Variants in REEP1 observed in about 807,000 individuals in gnomAD.
REEP1 encodes the protein receptor accessory protein 1.
In REEP1, 22 loss-of-function variants were observed where a neutral mutation model predicts 40.3. The observed-to-expected ratio is 0.55, with a 90% CI of 0.39 to 0.78. The LOEUF (loss-of-function observed/expected upper bound fraction) is 0.78, where lower values mean the gene tolerates loss of function less well. Among genes scored for constraint, REEP1 ranks in the 30% least tolerant of loss-of-function variants. REEP1 has a pLI of 0.00. For missense variants in REEP1, 280 were observed against 361.1 expected, an observed-to-expected ratio of 0.78 and a Z score of 1.82; for synonymous variants, 116 against 139.2, an observed-to-expected ratio of 0.83 and a Z score of 1.17.
intron 5 of REEP1, among the ~76,000 whole-genome samples, chr2:86,248,315 G>T (rs569554089): frequency 8.5e-5 from 13 of 152,294 alleles, no homozygotes; most frequent in African/African-American, 3.1e-4. Context: ...TAAGTTGAGG[G>T]TGTTTTGTGG....
intron 1 of REEP1, among the ~76,000 whole-genome samples, chr2:86,303,959 G>A (rs1679370707): frequency 6.6e-6 from 1 of 152,084 alleles, no homozygotes; most frequent in African/African-American, 2.4e-5. Flanking sequence ...AACTGAAGAG[G>A]AAGGTGGCTA....
chr2:86,257,918 G>A (rs929153476), intron 3 of REEP1, among the ~76,000 whole-genome samples: 2 of 152,162 alleles, frequency 1.3e-5, no homozygotes, highest in Admixed American at 6.5e-5. Flanking sequence ...CACCGCGCCC[G>A]GCCTATCTCA....
chr2:86,307,666 C>T (rs1367504894), intron 1 of REEP1, among the ~76,000 whole-genome samples: 1 of 151,776 alleles, frequency 6.6e-6, no homozygotes, highest in East Asian at 1.9e-4. Context: ...GAGGTTGAGG[C>T]TGCCATGAGC....
At chr2:86,228,576 A>C (rs1438652829) in intron 6 of REEP1, among the ~76,000 whole-genome samples, 2 of 151,744 alleles carry the variant, frequency 1.3e-5, no homozygotes, top group Non-Finnish European at 2.9e-5. Context: ...CTCCAGCCTC[A>C]GCCTCCCGAG....
At chr2:86,327,774 A>G (rs183040099) in intron 1 of REEP1, among the ~76,000 whole-genome samples, 2 of 152,182 alleles carry the variant, frequency 1.3e-5, no homozygotes, top group East Asian at 3.9e-4. Context: ...TCACCGTGTT[A>G]GCCAGGATGG....
chr2:86,303,119 T>C (rs896398236), intron 1 of REEP1, among the ~76,000 whole-genome samples: 2 of 152,068 alleles, frequency 1.3e-5, no homozygotes, highest in Non-Finnish European at 2.9e-5. Context: ...CTTAGCTCAC[T>C]GTACCTTCGA....
At position 86,282,185 on chromosome 2, in the gene REEP1, C is replaced by T; in HGVS notation, c.90G>A (p.Lys30=). ...AYYSYKAVKS[K]DIKEYVKWMM... ...TGCTACTTACATATTCCTTAATGTC[C>T]TTTGATTTCACAGCCTTGTAGGAAT... The change falls in exon 2 of 9, where the codon AAG becomes AAA. Residue 30 remains lysine (K), a synonymous_variant. Coordinates refer to ENST00000538924, the MANE Select transcript of REEP1 (RefSeq NM_001371279.1). 1.2e-6 allele frequency: 2 copies of T among 1,610,376 alleles called. No homozygotes were observed. Among genetic ancestry groups the T allele is most frequent in the Non-Finnish European group, 8.5e-7 (1 of 1,176,668 alleles).
chr2:86,282,039 G>A (rs1006615671), intron 2 of REEP1, 131 bp downstream of exon 2: 210 of 736,446 alleles, frequency 2.9e-4, no homozygotes, highest in Non-Finnish European at 4.3e-5. Context: ...GATGTCTCAT[G>A]AGAACTGTGA....
intron 2 of REEP1, among the ~76,000 whole-genome samples, chr2:86,277,439 C>T (rs1386260726): frequency 6.6e-6 from 1 of 151,956 alleles, no homozygotes; most frequent in Non-Finnish European, 1.5e-5. Flanking sequence ...GCCTGTAATT[C>T]CTGCTACTGG....
chr2:86,268,157 A>G (rs1381536847), intron 2 of REEP1, among the ~76,000 whole-genome samples: 1 of 152,178 alleles, frequency 6.6e-6, no homozygotes. Context: ...ATGCAATAAG[A>G]CAAGAAACAG....
intron 6 of REEP1, among the ~76,000 whole-genome samples, chr2:86,229,598 C>CTTT (rs70956106): frequency 2.5e-4 from 29 of 114,440 alleles, no homozygotes; most frequent in African/African-American, 7.4e-4. Context: ...ACCTGTCTTC[C>CTTT]TTTTTTTTTT....
chr2:86,282,399 G>C (rs866367759), intron 1 of REEP1, among the ~76,000 whole-genome samples, 157 bp from the exon 2 acceptor site: 1 of 152,088 alleles, frequency 6.6e-6, no homozygotes, highest in African/African-American at 2.4e-5. Context: ...TGTTCTGCTC[G>C]TGGCTGGGGC....
rs562398980 is a variant in REEP1, at chr2:86,232,539, G to T, written c.595+86C>A. ...GGCAGGTCCGTGGGGCCAGGGCCAG[G>T]CTGCATGCCACACTGCGGACTGGGC... On this transcript the variant is annotated intron_variant, in intron 6 of 8. Transcript: ENST00000538924. The T allele has an allele frequency of 6.7e-6, 10 of 1,503,374 alleles. No homozygotes were observed. The East Asian group carries it at 2.0e-4, about 31-fold the overall frequency. The allele number at this position is 1,503,374 out of a possible 1,614,324, so 93.1% of individuals were successfully genotyped here.
chr2:86,331,239 T>G (rs1680747981), intron 1 of REEP1, among the ~76,000 whole-genome samples: 1 of 152,156 alleles, frequency 6.6e-6, no homozygotes, highest in Non-Finnish European at 1.5e-5. Flanking sequence ...CAGCTCCAAA[T>G]CAAGAAACCC....
chr2:86,337,944 C>G, upstream of REEP1: 1 of 1,349,052 alleles, frequency 7.4e-7, no homozygotes, highest in South Asian at 1.3e-5. The surrounding 1 kb of genome is among the most constrained non-coding windows in gnomAD (Gnocchi z 5.8). Flanking sequence ...ACCTGAACCT[C>G]GGGAATCTGT....
At chr2:86,265,574 C>CATAT (rs150554560) in intron 2 of REEP1, among the ~76,000 whole-genome samples, 3 of 151,592 alleles carry the variant, frequency 2.0e-5, no homozygotes, top group African/African-American at 2.4e-5. Context: ...TATATACATA[C>CATAT]ATATATATAT....
At chr2:86,226,694 T>C (rs1430400106) in intron 7 of REEP1, among the ~76,000 whole-genome samples, 1 of 151,030 alleles carries the variant, frequency 6.6e-6, no homozygotes, top group Non-Finnish European at 1.5e-5. Context: ...GGTCTCGAAC[T>C]CCTGGGCTCA....
At chr2:86,270,212 T>C (rs139817503) in intron 2 of REEP1, among the ~76,000 whole-genome samples, 1,853 of 149,016 alleles carry the variant, frequency 0.012, 45 homozygotes, top group African/African-American at 0.044. Flanking sequence ...TGTTTGTTTG[T>C]TGAGATGGAG....
At chr2:86,245,913 C>G (rs553991307) in intron 5 of REEP1, among the ~76,000 whole-genome samples, 2 of 151,868 alleles carry the variant, frequency 1.3e-5, no homozygotes, top group African/African-American at 2.4e-5. Context: ...TACAGGCGCC[C>G]GCCACCACGC....
Sources: allele counts gnomAD v4.1 joint callset (sites outside exome capture counted in the v4.1 genomes callset), GRCh38; gene constraint gnomAD v4.1.1; non-coding constraint Gnocchi (gnomAD v3.1); transcripts MANE v1.5; gene names NCBI Gene and HGNC (gene_info 2026-07-23, HGNC 2026-07-21).